Variants in SAMD5 observed in about 807,000 individuals in gnomAD.
SAMD5 encodes the protein sterile alpha motif domain-containing protein 5.
In SAMD5, 13 loss-of-function variants were observed where a neutral mutation model predicts 11.3. That is an observed-to-expected ratio of 1.15 (90% confidence interval 0.75 to 1.83). The LOEUF is 1.83. Among genes scored for constraint, SAMD5 ranks in the 40% most tolerant of loss-of-function variants. The probability of loss-of-function intolerance (pLI) is 0.00; values close to 1 mark genes in which losing one functional copy is unlikely to be tolerated. For missense variants in SAMD5, 255 were observed against 239.1 expected (o/e 1.07, Z -0.44); for synonymous variants, 129 against 111.3 (o/e 1.16, Z -1.00).
chr6:147,951,932 C>T, the SAMD5 span, among the ~76,000 whole-genome samples: 1 of 152,146 alleles, frequency 6.6e-6, no homozygotes, highest in Admixed American at 6.5e-5. Flanking sequence ...CATAGAACAC[C>T]ATTTAACGCA....
chr6:147,738,118 C>T (rs373840650), downstream of SAMD5, among the ~76,000 whole-genome samples: 17 of 152,156 alleles, frequency 1.1e-4, no homozygotes, highest in African/African-American at 3.1e-4. Flanking sequence ...GGGAGATGGC[C>T]GGGCTTCTGC....
chr6:147,839,544 G>A, the SAMD5 span, among the ~76,000 whole-genome samples: 4 of 152,154 alleles, frequency 2.6e-5, no homozygotes, highest in African/African-American at 4.8e-5. Context: ...GAAGTCGGGA[G>A]TTCGAGACCA....
intron 1 of SAMD5, among the ~76,000 whole-genome samples, chr6:147,540,582 A>G (rs563213456): frequency 6.6e-6 from 1 of 152,302 alleles, no homozygotes; most frequent in Non-Finnish European, 1.5e-5. Flanking sequence ...CTGCAAGCTT[A>G]TGGGGGTCTT....
chr6:147,781,811 C>G, the SAMD5 span, among the ~76,000 whole-genome samples: 17 of 139,268 alleles, frequency 1.2e-4, no homozygotes, highest in South Asian at 2.3e-4. Flanking sequence ...CACACACACA[C>G]AGCTTGGAAA....
At chr6:147,555,303 C>T (rs556691449) in intron 1 of SAMD5, among the ~76,000 whole-genome samples, 19 of 152,208 alleles carry the variant, frequency 1.2e-4, no homozygotes, top group Non-Finnish European at 2.4e-4. Flanking sequence ...TTCCATGTAA[C>T]ACCATTTTCA....
chr6:147,572,442 A>C (rs1789150672), downstream of SAMD5, among the ~76,000 whole-genome samples: 1 of 152,216 alleles, frequency 6.6e-6, no homozygotes, highest in East Asian at 1.9e-4. Context: ...GCAGAAATGT[A>C]GTAAACATTG....
intron 1 of SAMD5, among the ~76,000 whole-genome samples, chr6:147,520,354 C>T (rs538792699): frequency 6.6e-6 from 1 of 152,238 alleles, no homozygotes; most frequent in East Asian, 1.9e-4. Flanking sequence ...CTCCTGACCT[C>T]AGGTGATCCA....
intron 1 of SAMD5, among the ~76,000 whole-genome samples, chr6:147,687,877 G>T (rs554269183): frequency 1.5e-4 from 23 of 152,264 alleles, no homozygotes; most frequent in African/African-American, 5.5e-4. Flanking sequence ...ACATGAAATA[G>T]TAATGTGACA....
At chr6:147,787,054 C>G in the SAMD5 span, among the ~76,000 whole-genome samples, 1 of 152,066 alleles carries the variant, frequency 6.6e-6, no homozygotes, top group South Asian at 2.1e-4. Context: ...AGGAGTTTAG[C>G]CAGAAGTTGT....
At position 147,565,958 on chromosome 6, in the gene SAMD5, G is replaced by T. The variant is rs1225030449; in HGVS notation, c.*1502G>T. 1.0e-6 allele frequency: 1 copy of T among 984,770 alleles called. No homozygotes were observed. Among genetic ancestry groups the T allele is most frequent in the Non-Finnish European group, 1.2e-6 (1 of 829,504 alleles). 61.0% of individuals were successfully genotyped at this position (984,770 alleles called of 1,614,324 possible). On this transcript the variant is annotated 3_prime_UTR_variant, in exon 2 of 2. Transcript: ENST00000367474. ...ATGTACAAGATGTAAGTTCCCATCG[G>T]CACCGTCATGGTAAGAAGAATAAGA...
chr6:147,891,625 G>C, the SAMD5 span, among the ~76,000 whole-genome samples: 1 of 152,186 alleles, frequency 6.6e-6, no homozygotes, highest in Admixed American at 6.5e-5. Flanking sequence ...TGATTGTTAA[G>C]GACAGACAGG....
chr6:147,729,512 T>G (rs962009536), intron 1 of SAMD5, among the ~76,000 whole-genome samples: 1 of 152,190 alleles, frequency 6.6e-6, no homozygotes, highest in Non-Finnish European at 1.5e-5. Context: ...AAAATTTCTC[T>G]CTTTATGAAT....
At position 147,565,330 on chromosome 6, in the gene SAMD5, G is replaced by A. The variant is rs761141171; in HGVS notation, c.*874G>A. On this transcript the variant is annotated 3_prime_UTR_variant, in exon 2 of 2. Coordinates refer to ENST00000367474, the MANE Select transcript of SAMD5 (RefSeq NM_001030060.3). ...CTGTGGGGGCCGGGAGGTGGGCAGC[G>A]GCAGTGGCCTGAGGAGCCCTGTAGA... 55 of 985,852 alleles carry A rather than the reference G, an allele frequency of 5.6e-5. No individual in the cohort carries two copies. Among genetic ancestry groups the A allele is most frequent in the Non-Finnish European group, 6.1e-5 (51 of 830,010 alleles). 61.1% of individuals were successfully genotyped at this position (985,852 alleles called of 1,614,324 possible).
At chr6:147,849,895 G>C in the SAMD5 span, among the ~76,000 whole-genome samples, 1 of 152,194 alleles carries the variant, frequency 6.6e-6, no homozygotes, top group Non-Finnish European at 1.5e-5. Flanking sequence ...TCAATTTTTA[G>C]TTGGATTCTG....
rs747898948 is a variant in SAMD5 at position 147,509,106 on chromosome 6, C to A, written c.178C>A (p.Arg60Ser). ...CCGCCGCCGTATCCTGGAGGCCGTG[C>A]GCCGGCTGCGGGAGCAGGACGCCAA... is the stretch of plus-strand genomic sequence containing the variant. ...AHRRRILEAVRRLREQDANAA... is the reference protein window; with the variant it reads ...AHRRRILEAVSRLREQDANAA... The change falls in exon 1 of 2, where the codon CGC becomes AGC. Residue 60 changes from arginine (R) to serine (S), a missense_variant. Coordinates refer to ENST00000367474, the MANE Select transcript of SAMD5 (RefSeq NM_001030060.3). 2 of 1,585,844 alleles carry A rather than the reference C, an allele frequency of 1.3e-6. No individual in the cohort carries two copies. The highest frequency in any genetic ancestry group is 2.4e-5 in the East Asian group (1 of 41,538).
chr6:147,756,895 T>C, the SAMD5 span, among the ~76,000 whole-genome samples: 359 of 152,332 alleles, frequency 2.4e-3, no homozygotes, highest in African/African-American at 8.4e-3. Flanking sequence ...GCATTAAAAT[T>C]GTGGCTTTCA....
chr6:147,931,397 A>G, the SAMD5 span, among the ~76,000 whole-genome samples: 1 of 152,158 alleles, frequency 6.6e-6, no homozygotes, highest in Admixed American at 6.5e-5. Context: ...CATTTATATT[A>G]AAATGCCCTC....
chr6:147,951,337 A>G, the SAMD5 span, among the ~76,000 whole-genome samples: 2 of 151,058 alleles, frequency 1.3e-5, no homozygotes, highest in African/African-American at 2.4e-5. Flanking sequence ...GCCCACCAAC[A>G]CGCCCGGCTA....
At chr6:147,828,041 C>T in the SAMD5 span, among the ~76,000 whole-genome samples, 1 of 152,114 alleles carries the variant, frequency 6.6e-6, no homozygotes, top group African/African-American at 2.4e-5. Flanking sequence ...CCGCCTCGGC[C>T]TCCCAAAGTG....
Sources: gnomAD v4.1 joint callset for allele counts (sites outside exome capture counted in the v4.1 genomes callset) on GRCh38, gnomAD v4.1.1 for gene constraint, MANE v1.5 for transcripts, NCBI Gene and HGNC (gene_info 2026-07-23, HGNC 2026-07-21) for gene names.